USP48: variants seen among roughly 807,000 people sequenced by gnomAD.
USP48 encodes the protein ubiquitin specific peptidase 48.
USP48 carries 43 observed loss-of-function variants against 150.7 expected under a neutral mutation model. The observed-to-expected ratio is 0.29, with a 90% confidence interval of 0.22 to 0.37. The LOEUF (loss-of-function observed/expected upper bound fraction) is 0.37, where lower values mean the gene tolerates loss of function less well. USP48 is among the 10% of genes least tolerant of loss of function. The pLI is 1.00. For synonymous variants in USP48, 396 were observed against 425.9 expected (o/e 0.93, Z 0.86); for missense variants, 813 against 1,249.6 (o/e 0.65, Z 5.27).
At chr1:21,739,990 C>T (rs1460022136) in intron 8 of USP48, among the ~76,000 whole-genome samples, 1 of 152,258 alleles carries the variant, frequency 6.6e-6, no homozygotes, top group Non-Finnish European at 1.5e-5. Context: ...GGGCTCACTG[C>T]AACCTCCACC....
intron 15 of USP48, among the ~76,000 whole-genome samples, chr1:21,710,415 C>G (rs2097687152): frequency 6.6e-6 from 1 of 152,024 alleles, no homozygotes; most frequent in Non-Finnish European, 1.5e-5. Flanking sequence ...TTCAAAATAA[C>G]AAAACAAAAC....
At chr1:21,708,370 C>G (rs1019639369) in intron 15 of USP48, among the ~76,000 whole-genome samples, 2 of 151,650 alleles carry the variant, frequency 1.3e-5, no homozygotes, top group Non-Finnish European at 2.9e-5. Context: ...GTGTGGCAGG[C>G]ACCTGTAATC....
chr1:21,717,213 G>A (rs1004583098), intron 14 of USP48, among the ~76,000 whole-genome samples: 1 of 151,852 alleles, frequency 6.6e-6, no homozygotes, highest in African/African-American at 2.4e-5. Flanking sequence ...AGACCAGCCT[G>A]AGCAACATGG....
intron 21 of USP48, among the ~76,000 whole-genome samples, chr1:21,702,833 C>T (rs2097661083): frequency 6.6e-6 from 1 of 152,220 alleles, no homozygotes; most frequent in Admixed American, 6.5e-5. Flanking sequence ...CTAGCCACAT[C>T]GAATGCTCCA....
intron 10 of USP48, 34 bp from the exon 11 acceptor site, chr1:21,728,753 T>C: frequency 6.2e-7 from 1 of 1,609,204 alleles, no homozygotes. Context: ...AACAACTTTA[T>C]TCTTGTTTTC....
chr1:21,696,758 C>T (rs935580950), intron 22 of USP48, among the ~76,000 whole-genome samples: 1 of 151,762 alleles, frequency 6.6e-6, no homozygotes, highest in Non-Finnish European at 1.5e-5. Context: ...CGGTACCAGT[C>T]AAGAAAAAAA....
At chr1:21,756,796 G>T in intron 2 of USP48, 94 bp from the exon 3 acceptor site, 1 of 1,530,782 alleles carries the variant, frequency 6.5e-7, no homozygotes, top group South Asian at 1.2e-5. Context: ...TTAAAAATGT[G>T]TAAGACCGTC....
intron 22 of USP48, among the ~76,000 whole-genome samples, chr1:21,697,169 C>T (rs1166162429): frequency 6.6e-6 from 1 of 152,008 alleles, no homozygotes; most frequent in African/African-American, 2.4e-5. Flanking sequence ...GTGATCAAGA[C>T]CCAAACACAG....
chr1:21,686,202 T>C (rs1237744612), intron 25 of USP48: 1 of 152,248 alleles, frequency 6.6e-6, no homozygotes, highest in East Asian at 1.9e-4. Context: ...TAATTGCTCT[T>C]GCTAGGACTT....
chr1:21,733,067 T>C (rs2097760711), intron 9 of USP48, among the ~76,000 whole-genome samples: 1 of 152,168 alleles, frequency 6.6e-6, no homozygotes, highest in South Asian at 2.1e-4. Flanking sequence ...TCACAGGGAA[T>C]TAAAATACCA....
intron 11 of USP48, chr1:21,724,310 G>A: frequency 3.3e-6 from 2 of 612,370 alleles, no homozygotes; most frequent in South Asian, 2.0e-5. Flanking sequence ...ATAATGCTGA[G>A]TCTGCACAGT....
At chr1:21,708,741 C>T (rs193031890) in intron 15 of USP48, among the ~76,000 whole-genome samples, 24 of 150,570 alleles carry the variant, frequency 1.6e-4, no homozygotes, top group African/African-American at 2.9e-4. Context: ...ACAAATTGGC[C>T]GGGAGTGGTG....
rs534186360 is a variant in USP48, at chr1:21,723,120, A to G, written c.1648+778T>C. On this transcript the variant is annotated intron_variant, in intron 12 of 26. Transcript: ENST00000308271. Reference sequence around the variant, plus strand: ...AGAAAGGCAGCCAAAACAAAATACTATGGTTGGGTACTATGTGGTCATATA... The same window carrying G: ...AGAAAGGCAGCCAAAACAAAATACTGTGGTTGGGTACTATGTGGTCATATA... 2.0e-5 allele frequency among the ~76,000 whole-genome samples: 3 copies of G among 152,286 alleles called. No homozygotes were observed. In the East Asian group the frequency reaches 5.8e-4, roughly 29 times the overall value.
At chr1:21,701,640 C>T (rs2152515030) in intron 21 of USP48, 38 bp from the exon 22 acceptor site, 1 of 1,588,124 alleles carries the variant, frequency 6.3e-7, no homozygotes. Flanking sequence ...GTAGGTCAGA[C>T]CCTAGGAAGG....
At chr1:21,719,990 A>G (rs1027873091) in intron 14 of USP48, among the ~76,000 whole-genome samples, 2 of 152,236 alleles carry the variant, frequency 1.3e-5, no homozygotes, top group African/African-American at 4.8e-5. Flanking sequence ...ATAAAGGTCA[A>G]GAACATTAAA....
In USP48 at chr1:21,746,939, C is replaced by G. The variant is rs1452785412; in HGVS notation, c.991+128G>C. ...TCCTAAAAAAGTCTTTGTTCCCAGA[C>G]AGAGGTTCCCAGAGAGAGATTAGCA... On this transcript the variant is annotated intron_variant, in intron 8 of 26. Transcript: ENST00000308271. 4.6e-6 allele frequency: 3 copies of G among 649,784 alleles called. No homozygotes were observed. In the East Asian group the frequency reaches 8.9e-5, roughly 19 times the overall value. 40.3% of individuals were successfully genotyped at this position (649,784 alleles called of 1,614,324 possible).
Position 21,751,492 on chromosome 1 carries a change from C to T in USP48, c.774+15G>A, listed in dbSNP as rs1354601786. 3 of 1,599,396 alleles carry T rather than the reference C, an allele frequency of 1.9e-6. No homozygotes were observed. Among genetic ancestry groups the T allele is most frequent in the Non-Finnish European group, 2.6e-6 (3 of 1,167,526 alleles). On this transcript the variant is annotated intron_variant, in intron 6 of 26. Coordinates refer to ENST00000308271, the MANE Select transcript of USP48 (RefSeq NM_032236.8). ...TTAATGGGCAGGAACAATACATACA[C>T]CAAAATTTGAATACCTTCAAAAATT...
chr1:21,692,886 C>A (rs186604533), intron 23 of USP48, among the ~76,000 whole-genome samples: 1 of 152,060 alleles, frequency 6.6e-6, no homozygotes, highest in Non-Finnish European at 1.5e-5. Context: ...GGGAGGCCTA[C>A]GGTAAAATAA....
Position 21,782,860 on chromosome 1 carries a change from C to A in USP48, c.98G>T (p.Arg33Leu). ...GCGAATGCAGGGCTCCAGCCAGATG[C>A]GGTAAGCGGTCTCGATGTGCTCCTG... ...VSQEHIETAY[R>L]IWLEPCIRGV... Residue 33 changes from arginine to leucine, a missense_variant, in exon 1 of 27, where the codon CGC becomes CTC. Physicochemically the swap from Arg to Leu is moderately radical, Grantham distance 102 (BLOSUM62 -2). Transcript: ENST00000308271. The A allele has an allele frequency of 6.4e-7, 1 of 1,560,418 alleles. No individual in the cohort carries two copies. Among genetic ancestry groups the A allele is most frequent in the South Asian group, 1.2e-5 (1 of 84,524 alleles).
Sources: gnomAD v4.1 joint callset for allele counts (sites outside exome capture counted in the v4.1 genomes callset) on GRCh38, gnomAD v4.1.1 for gene constraint, MANE v1.5 for transcripts, NCBI Gene and HGNC (gene_info 2026-07-23, HGNC 2026-07-21) for gene names.